Variants in ACOXL observed in about 807,000 individuals in gnomAD.
ACOXL encodes the protein acyl-CoA oxidase like, also known as acyl-coenzyme A oxidase-like protein.
Under a neutral mutation model 71.9 loss-of-function variants are expected in ACOXL, and 70 were observed. The observed-to-expected ratio is 0.97, with a 90% CI of 0.80 to 1.19. ACOXL has a LOEUF of 1.19. Among genes scored for constraint, ACOXL ranks in the 50% most tolerant of loss-of-function variants. The pLI is 0.00. For missense variants in ACOXL, 703 were observed against 736.3 expected, an observed-to-expected ratio of 0.95 and a Z score of 0.52; for synonymous variants, 253 against 281.6, an observed-to-expected ratio of 0.90 and a Z score of 1.02.
At chr2:110,933,718 G>C in intron 12 of ACOXL, 76 bp downstream of exon 12, 1 of 1,483,528 alleles carries the variant, frequency 6.7e-7, no homozygotes, top group Non-Finnish European at 9.0e-7. Flanking sequence ...GGGGCGGGCA[G>C]ATAACATGCT....
intron 1 of ACOXL, among the ~76,000 whole-genome samples, chr2:110,754,297 C>T (rs1005047106): frequency 2.6e-5 from 4 of 151,964 alleles, no homozygotes; most frequent in African/African-American, 7.3e-5. Context: ...GTCTGGAACT[C>T]CCAGGCTCAA....
At chr2:111,016,106 T>A (rs200191975) in intron 14 of ACOXL, among the ~76,000 whole-genome samples, 20 of 33,708 alleles carry the variant, frequency 5.9e-4, no homozygotes, top group Admixed American at 1.5e-3. Context: ...CTAATTTTTT[T>A]AATTTTTTTT....
At chr2:110,807,872 T>C (rs1686861044) in intron 9 of ACOXL, among the ~76,000 whole-genome samples, 1 of 152,188 alleles carries the variant, frequency 6.6e-6, no homozygotes, top group South Asian at 2.1e-4. Context: ...GTGCGTTCCT[T>C]GTGTATTAAA....
intron 17 of ACOXL, among the ~76,000 whole-genome samples, chr2:111,111,003 TTGAC>T (rs2069907104): frequency 1.3e-5 from 2 of 151,826 alleles, no homozygotes; most frequent in African/African-American, 4.8e-5. Context: ...TTGAAAATTT[TTGAC>T]TGAAGATTAT....
chr2:110,909,375 A>G (rs1016012988), intron 11 of ACOXL, among the ~76,000 whole-genome samples: 2 of 152,106 alleles, frequency 1.3e-5, no homozygotes, highest in African/African-American at 4.8e-5. Flanking sequence ...ACACCTGGAA[A>G]TTCACATTCT....
Position 110,858,424 on chromosome 2 carries a change from A to G in ACOXL, c.788+17019A>G, listed in dbSNP as rs575468309. On this transcript the variant is annotated intron_variant, in intron 10 of 17. Coordinates refer to ENST00000439055, the MANE Select transcript of ACOXL (RefSeq NM_001142807.4). ...TTCCCTTCTCACGCTGATGAGGCCA[A>G]TGCTTTCTAAGAGTGGGTTTTGGTT... Among the ~76,000 whole-genome samples, 5 of 152,184 alleles carry G rather than the reference A, an allele frequency of 3.3e-5. No individual in the cohort carries two copies. The East Asian group carries it at 5.8e-4, about 18-fold the overall frequency.
At chr2:110,845,100 G>A (rs768690014) in intron 10 of ACOXL, among the ~76,000 whole-genome samples, 16 of 152,298 alleles carry the variant, frequency 1.1e-4, no homozygotes, top group South Asian at 2.1e-4. Context: ...CATAGACTGG[G>A]TACTTTATAA....
At chr2:110,915,723 T>C (rs1044842540) in intron 11 of ACOXL, among the ~76,000 whole-genome samples, 4 of 152,098 alleles carry the variant, frequency 2.6e-5, no homozygotes, top group African/African-American at 9.6e-5. Context: ...CCACTGTACC[T>C]GGCCATATTA....
chr2:110,862,909 C>A (rs1210915574), intron 10 of ACOXL, among the ~76,000 whole-genome samples: 1 of 152,230 alleles, frequency 6.6e-6, no homozygotes, highest in African/African-American at 2.4e-5. Flanking sequence ...GCAACCACCA[C>A]CTAGGGCCCC....
At chr2:110,807,689 G>T (rs1013575459) in intron 9 of ACOXL, among the ~76,000 whole-genome samples, 4 of 152,162 alleles carry the variant, frequency 2.6e-5, no homozygotes, top group African/African-American at 9.7e-5. Context: ...GACCCGGGCC[G>T]CTGTGATCTC....
In ACOXL at chr2:110,742,824, T is replaced by G. The variant is rs1677714357; in HGVS notation, c.-23+10050T>G. On this transcript the variant is annotated intron_variant, in intron 1 of 17. Transcript: ENST00000439055. The stretch of plus-strand genomic sequence containing the variant: ...ACACAGGAAAAAAGCTTCTTGACAT[T>G]GGTTTGGGTAAAGATTTTTTGGATA... 3.3e-5 allele frequency among the ~76,000 whole-genome samples: 5 copies of G among 152,190 alleles called. No individual in the cohort carries two copies. In the South Asian group the frequency reaches 1.0e-3, roughly 31 times the overall value.
At chr2:110,864,322 A>G (rs1437430599) in intron 10 of ACOXL, among the ~76,000 whole-genome samples, 1 of 152,154 alleles carries the variant, frequency 6.6e-6, no homozygotes, top group Non-Finnish European at 1.5e-5. Context: ...AAAGGTCCTC[A>G]TGGTCCTTGA....
intron 15 of ACOXL, among the ~76,000 whole-genome samples, chr2:111,040,659 C>T (rs796162306): frequency 4.6e-5 from 7 of 152,242 alleles, no homozygotes; most frequent in African/African-American, 1.2e-4. Context: ...ACGCGGCTCC[C>T]CACGAAGTTC....
At chr2:111,070,441 A>T (rs2067287824) in intron 16 of ACOXL, among the ~76,000 whole-genome samples, 1 of 152,188 alleles carries the variant, frequency 6.6e-6, no homozygotes, top group South Asian at 2.1e-4. Context: ...GCTCTCACTT[A>T]TAAGTAGGAA....
chr2:110,849,622 G>A (rs1692352405), intron 10 of ACOXL, among the ~76,000 whole-genome samples: 1 of 152,192 alleles, frequency 6.6e-6, no homozygotes. Context: ...GCCAGGCGTG[G>A]TGGCACGTGC....
chr2:110,864,360 CA>C (rs2149000274), intron 10 of ACOXL, among the ~76,000 whole-genome samples: 1 of 152,212 alleles, frequency 6.6e-6, no homozygotes, highest in African/African-American at 2.4e-5. Flanking sequence ...AACTGAACAC[CA>C]GGGGCTCTCC....
intron 9 of ACOXL, among the ~76,000 whole-genome samples, chr2:110,819,401 T>C (rs1688343029): frequency 6.6e-6 from 1 of 152,148 alleles, no homozygotes; most frequent in Admixed American, 6.5e-5. Flanking sequence ...AGTGTGGGTT[T>C]GCTGAGGTGT....
intron 14 of ACOXL, among the ~76,000 whole-genome samples, chr2:111,023,152 C>T (rs1315832440): frequency 6.6e-6 from 1 of 152,188 alleles, no homozygotes. Flanking sequence ...CTTCTGTCTA[C>T]CAGGTGGGAG....
At chr2:110,871,766 C>G (rs1695310388) in intron 10 of ACOXL, among the ~76,000 whole-genome samples, 1 of 152,144 alleles carries the variant, frequency 6.6e-6, no homozygotes, top group Admixed American at 6.5e-5. Flanking sequence ...TGAGACGTCT[C>G]CCCTGACCTC....
Sources: gnomAD v4.1 joint callset for allele counts (sites outside exome capture counted in the v4.1 genomes callset) on GRCh38, gnomAD v4.1.1 for gene constraint, MANE v1.5 for transcripts, NCBI Gene and HGNC (gene_info 2026-07-23, HGNC 2026-07-21) for gene names.